The following DNAH12 variants were observed in gnomAD, a reference collection of about 807,000 sequenced individuals.
The protein encoded by DNAH12 is dynein axonemal heavy chain 12.
Under a neutral mutation model 371.5 loss-of-function variants are expected in DNAH12, and 285 were observed. The observed-to-expected ratio is 0.77, with a 90% confidence interval of 0.70 to 0.85. DNAH12 has a LOEUF of 0.85. Ranked by LOEUF, DNAH12 falls within the 40% of genes least tolerant of loss-of-function variation. The pLI, the probability that DNAH12 is intolerant of heterozygous loss-of-function variation, is 0.00. For missense variants in DNAH12, 3,611 were observed against 3,689.4 expected (o/e 0.98, Z 0.55); for synonymous variants, 1,200 against 1,213.0 (o/e 0.99, Z 0.22).
intron 13 of DNAH12, 111 bp downstream of exon 13, chr3:57,483,265 A>C: frequency 7.5e-7 from 1 of 1,330,620 alleles, no homozygotes; most frequent in Non-Finnish European, 1.0e-6. Context: ...GTGGCAATAT[A>C]ACCGCTCAAT....
intron 57 of DNAH12, among the ~76,000 whole-genome samples, chr3:57,364,043 T>C (rs2062994864): frequency 6.6e-6 from 1 of 152,148 alleles, no homozygotes; most frequent in Non-Finnish European, 1.5e-5. Flanking sequence ...ATGGCATAGC[T>C]GGTATGCAAG....
intron 10 of DNAH12, among the ~76,000 whole-genome samples, chr3:57,502,035 TA>T (rs2067568117): frequency 6.6e-6 from 1 of 151,834 alleles, no homozygotes; most frequent in South Asian, 2.1e-4. Flanking sequence ...GCCTCCCGAG[TA>T]GCCGGGACTA....
intron 63 of DNAH12, 79 bp downstream of exon 63, chr3:57,323,390 T>C (rs750633669): frequency 2.7e-6 from 4 of 1,473,886 alleles, no homozygotes; most frequent in Non-Finnish European, 2.7e-6. Flanking sequence ...ACTAACTGAT[T>C]TATAATCATA....
intron 62 of DNAH12, among the ~76,000 whole-genome samples, chr3:57,325,633 G>C (rs1224012555): frequency 6.6e-6 from 1 of 152,144 alleles, no homozygotes; most frequent in Non-Finnish European, 1.5e-5. Context: ...AAACAGAGCA[G>C]AAAAACTGGA....
At chr3:57,509,238 T>G in intron 5 of DNAH12, 26 bp from the exon 6 acceptor site, 2 of 1,590,284 alleles carry the variant, frequency 1.3e-6, no homozygotes, top group South Asian at 2.3e-5. Flanking sequence ...ATATTAATGC[T>G]TCTTGAAAAT....
chr3:57,427,657 TC>T (rs2064819950), intron 34 of DNAH12, among the ~76,000 whole-genome samples: 1 of 151,908 alleles, frequency 6.6e-6, no homozygotes, highest in South Asian at 2.1e-4. Flanking sequence ...TCCACTGCGC[TC>T]CAGCCTGGGT....
intron 62 of DNAH12, 29 bp from the exon 63 acceptor site, chr3:57,323,648 G>A (rs776441313): frequency 6.7e-7 from 1 of 1,485,356 alleles, no homozygotes; most frequent in South Asian, 1.4e-5. Flanking sequence ...ATGATCTTTA[G>A]AGCAACTTTT....
chr3:57,302,948 A>T (rs2061392343), intron 69 of DNAH12, among the ~76,000 whole-genome samples: 1 of 151,938 alleles, frequency 6.6e-6, no homozygotes, highest in African/African-American at 2.4e-5. Context: ...TCTAATTCCT[A>T]AGAAGAATAG....
chr3:57,370,504 A>G (rs1424604723), intron 55 of DNAH12, among the ~76,000 whole-genome samples: 3 of 152,186 alleles, frequency 2.0e-5, no homozygotes, highest in Non-Finnish European at 4.4e-5. Flanking sequence ...CCAGAGTCTG[A>G]ACTGCTCTCA....
intron 39 of DNAH12, 59 bp from the exon 40 acceptor site, chr3:57,408,594 G>T: frequency 7.1e-7 from 1 of 1,400,306 alleles, no homozygotes; most frequent in South Asian, 1.8e-5. Flanking sequence ...AAGATGGGAT[G>T]AAATATAGAT....
chr3:57,519,980 A>G, intron 4 of DNAH12: 1 of 814,908 alleles, frequency 1.2e-6, no homozygotes, highest in Admixed American at 2.0e-5. Flanking sequence ...GTCAGGGCGT[A>G]GGGTTCCTCG....
In DNAH12 at chr3:57,489,496, T is replaced by C. The variant is rs1311684347; in HGVS notation, c.1514+13A>G. The C allele has an allele frequency of 2.0e-6, 3 of 1,497,854 alleles. No individual in the cohort carries two copies. The highest frequency in any genetic ancestry group is 2.7e-5 in the South Asian group (2 of 74,882). The allele number at this position is 1,497,854 out of a possible 1,614,324, so 92.8% of individuals were successfully genotyped here. On this transcript the variant is annotated intron_variant, in intron 12 of 73. Transcript: ENST00000495027. Reference sequence around the variant, plus strand: ...GCCATATAATTCTGAGCTTGGGAATTAATTCTACTTACCATTCATTTTCTT... The same window carrying C: ...GCCATATAATTCTGAGCTTGGGAATCAATTCTACTTACCATTCATTTTCTT...
intron 70 of DNAH12, 137 bp from the exon 71 acceptor site, chr3:57,297,121 C>T: frequency 1.1e-6 from 1 of 916,546 alleles, no homozygotes; most frequent in Non-Finnish European, 1.6e-6. Context: ...TGACGTCAAA[C>T]ACACAGCCTA....
intron 13 of DNAH12, 117 bp from the exon 14 acceptor site, chr3:57,472,788 T>A: frequency 9.2e-7 from 1 of 1,082,348 alleles, no homozygotes. Context: ...ACTCAGATTA[T>A]TAACTGATAT....
chr3:57,504,266 T>C, intron 8 of DNAH12, 62 bp from the exon 9 acceptor site: 2 of 1,397,654 alleles, frequency 1.4e-6, no homozygotes, highest in Non-Finnish European at 2.0e-6. Flanking sequence ...CTAAAATCAG[T>C]AAACTGATTA....
intron 2 of DNAH12, among the ~76,000 whole-genome samples, chr3:57,528,479 C>A (rs113865456): frequency 1 from 150,497 of 150,500 alleles, 75,247 homozygotes; most frequent in Middle Eastern, 1. Flanking sequence ...TAATCCCAGC[C>A]CTTTGGGAGG....
At chr3:57,361,440 C>T (rs1231029625) in intron 58 of DNAH12, among the ~76,000 whole-genome samples, 1 of 112,650 alleles carries the variant, frequency 8.9e-6, no homozygotes, top group East Asian at 3.6e-4. Flanking sequence ...TATACACACA[C>T]ACACTATATA....
chr3:57,296,983 TC>T lies in DNAH12; in HGVS notation c.11395del (p.Asp3799ThrfsTer23). On this transcript the variant is annotated frameshift_variant and splice_region_variant, in exon 71 of 74. Transcript: ENST00000495027. LOFTEE classifies it high-confidence loss of function. ...DFLARLNFLQ[D>X]WYNSGKPCVF... The stretch of plus-strand genomic sequence containing the variant: ...ACAAGGTTTTCCTGAATTATACCAG[TC>T]CTACAAAGGGAAAACAAAACACATT... 6.4e-7 allele frequency: 1 copy of T among 1,551,332 alleles called. No individual in the cohort carries two copies. Among genetic ancestry groups the T allele is most frequent in the Non-Finnish European group, 8.7e-7 (1 of 1,146,922 alleles).
At chr3:57,438,140 C>T (rs1328768971) in intron 29 of DNAH12, among the ~76,000 whole-genome samples, 1 of 139,078 alleles carries the variant, frequency 7.2e-6, no homozygotes, top group Non-Finnish European at 1.6e-5. Context: ...AAAATCCTAT[C>T]TCTACTAAAC....
Sources: gnomAD v4.1 joint callset for allele counts (sites outside exome capture counted in the v4.1 genomes callset) on GRCh38, gnomAD v4.1.1 for gene constraint, MANE v1.5 for transcripts, NCBI Gene and HGNC (gene_info 2026-07-23, HGNC 2026-07-21) for gene names.